The following MYO16 variants were observed in gnomAD, a reference collection of about 807,000 sequenced individuals.
The protein encoded by MYO16 is unconventional myosin-XVI.
In MYO16, 94 loss-of-function variants were observed where a neutral mutation model predicts 205.3. The ratio of observed to expected loss-of-function variants is 0.46; its 90% CI spans 0.39 to 0.54. The LOEUF (loss-of-function observed/expected upper bound fraction) is 0.54. Ranked by LOEUF, MYO16 falls within the 20% of genes least tolerant of loss-of-function variation. The pLI is 0.00. For synonymous variants in MYO16, 988 were observed against 954.0 expected (o/e 1.04, Z -0.66); for missense variants, 2,315 against 2,387.5 (o/e 0.97, Z 0.63).
At chr13:109,019,304 C>T (rs929085834) in intron 22 of MYO16, among the ~76,000 whole-genome samples, 2 of 152,104 alleles carry the variant, frequency 1.3e-5, no homozygotes, top group African/African-American at 2.4e-5. Flanking sequence ...GACTTAACAT[C>T]ACGATAAGCT....
At chr13:109,068,195 T>G (rs1887813695) in intron 27 of MYO16, among the ~76,000 whole-genome samples, 1 of 152,168 alleles carries the variant, frequency 6.6e-6, no homozygotes, top group Non-Finnish European at 1.5e-5. Context: ...TATTAAAAAA[T>G]GCAATATCAG....
intron 20 of MYO16, among the ~76,000 whole-genome samples, chr13:108,982,465 C>CTAAT: frequency 6.6e-6 from 1 of 152,092 alleles, no homozygotes; most frequent in Middle Eastern, 3.2e-3. Flanking sequence ...AGGAACTGTA[C>CTAAT]TAATAAAAGC....
chr13:108,679,265 C>T (rs921676112), intron 2 of MYO16, among the ~76,000 whole-genome samples: 4 of 152,182 alleles, frequency 2.6e-5, no homozygotes, highest in Admixed American at 6.5e-5. Context: ...GTACTACTGA[C>T]CTACATCAAC....
the MYO16 span, among the ~76,000 whole-genome samples, chr13:108,549,827 A>G: frequency 1.3e-5 from 2 of 152,338 alleles, no homozygotes; most frequent in African/African-American, 4.8e-5. Flanking sequence ...TTAAAAGTTT[A>G]AAAGACCCTA....
intron 33 of MYO16, among the ~76,000 whole-genome samples, chr13:109,166,418 T>C (rs1415662929): frequency 6.6e-6 from 1 of 152,004 alleles, no homozygotes; most frequent in African/African-American, 2.4e-5. Flanking sequence ...ATCCCCAGAA[T>C]GAAACAGATT....
intron 17 of MYO16, among the ~76,000 whole-genome samples, chr13:108,958,434 A>G (rs1883464571): frequency 6.6e-6 from 1 of 152,028 alleles, no homozygotes; most frequent in Non-Finnish European, 1.5e-5. Flanking sequence ...GTCATATTTA[A>G]TTGCACAGAA....
At chr13:108,581,275 A>G in the MYO16 span, among the ~76,000 whole-genome samples, 13 of 152,340 alleles carry the variant, frequency 8.5e-5, no homozygotes, top group East Asian at 1.4e-3. Context: ...ATGTAGAACC[A>G]TATCCTGGTA....
intron 15 of MYO16, among the ~76,000 whole-genome samples, chr13:108,904,789 G>T (rs1386397864): frequency 6.6e-6 from 1 of 151,994 alleles, no homozygotes; most frequent in Non-Finnish European, 1.5e-5. Flanking sequence ...ATCCCCTTAT[G>T]GATACATGAC....
chr13:108,806,917 C>T, intron 7 of MYO16, 113 bp downstream of exon 7: 2 of 797,100 alleles, frequency 2.5e-6, no homozygotes, highest in Non-Finnish European at 3.4e-6. Flanking sequence ...TGTAATTTGA[C>T]TTTTAATAGT....
At chr13:108,711,019 A>G (rs1883698323) in intron 2 of MYO16, among the ~76,000 whole-genome samples, 2 of 152,264 alleles carry the variant, frequency 1.3e-5, no homozygotes, top group South Asian at 4.1e-4. Context: ...TTTAAACACT[A>G]AGAGTAGTGA....
chr13:108,678,185 T>C (rs1882312790), intron 2 of MYO16, among the ~76,000 whole-genome samples: 1 of 152,342 alleles, frequency 6.6e-6, no homozygotes, highest in South Asian at 2.1e-4. Context: ...TCTGGGTTTT[T>C]CTCTGAGCCT....
Position 108,730,406 on chromosome 13 carries a change from C to T in MYO16, c.507+2823C>T, listed in dbSNP as rs114550403. Among the ~76,000 whole-genome samples the T allele has an allele frequency of 9.6e-3, 1,454 of 152,234 alleles. 23 individuals carry two copies. The highest frequency in any genetic ancestry group is 0.033 in the African/African-American group (1,370 of 41,530). Reference sequence around the variant, plus strand: ...CCCAGTCTAGGGTATTTCTTCATAGCAGCGTGAGAACAGGCTAATACAGCA... The same window carrying T: ...CCCAGTCTAGGGTATTTCTTCATAGTAGCGTGAGAACAGGCTAATACAGCA... On this transcript the variant is annotated intron_variant, in intron 4 of 34. Coordinates refer to ENST00000457511, the MANE Select transcript of MYO16 (RefSeq NM_001198950.3).
intron 34 of MYO16, among the ~76,000 whole-genome samples, chr13:109,194,438 C>A (rs1880060162): frequency 1.3e-5 from 2 of 152,116 alleles, no homozygotes; most frequent in African/African-American, 4.8e-5. Flanking sequence ...TGATATTGAA[C>A]CTGCATATTT....
chr13:109,105,997 A>G (rs1017635097), intron 28 of MYO16, among the ~76,000 whole-genome samples: 1 of 152,232 alleles, frequency 6.6e-6, no homozygotes, highest in Non-Finnish European at 1.5e-5. Context: ...GAAATGACAT[A>G]TTTTAAAAAC....
At chr13:108,802,514 T>C (rs1886997084) in intron 6 of MYO16, among the ~76,000 whole-genome samples, 1 of 152,240 alleles carries the variant, frequency 6.6e-6, no homozygotes, top group South Asian at 2.1e-4. Flanking sequence ...AACTTGGCTA[T>C]TATGAATAGT....
chr13:108,936,954 A>T (rs1195262359), intron 16 of MYO16, among the ~76,000 whole-genome samples: 1 of 152,114 alleles, frequency 6.6e-6, no homozygotes, highest in African/African-American at 2.4e-5. Context: ...TGTACTATGT[A>T]CTTAAGTGTG....
the MYO16 span, among the ~76,000 whole-genome samples, chr13:108,522,544 C>G: frequency 6.6e-6 from 1 of 152,094 alleles, no homozygotes; most frequent in African/African-American, 2.4e-5. Flanking sequence ...AATAAATTGA[C>G]TCCAATAAAT....
At chr13:108,793,154 C>T (rs190720236) in intron 5 of MYO16, among the ~76,000 whole-genome samples, 10 of 151,730 alleles carry the variant, frequency 6.6e-5, no homozygotes, top group Admixed American at 2.0e-4. Flanking sequence ...GGCGCAGTGG[C>T]GGGCGCCTGT....
At chr13:108,915,720 ATC>A (rs1481091345) in intron 16 of MYO16, among the ~76,000 whole-genome samples, 1 of 152,206 alleles carries the variant, frequency 6.6e-6, no homozygotes, top group African/African-American at 2.4e-5. Context: ...GTTATTCTGA[ATC>A]TCTTTTTGTA....
Sources: allele counts gnomAD v4.1 joint callset (sites outside exome capture counted in the v4.1 genomes callset), GRCh38; gene constraint gnomAD v4.1.1; transcripts MANE v1.5; gene names NCBI Gene and HGNC (gene_info 2026-07-23, HGNC 2026-07-21).